Variants in ZFP69B observed in about 807,000 individuals in gnomAD.
The protein encoded by ZFP69B is ZFP69 zinc finger protein B.
Under a neutral mutation model 19.7 loss-of-function variants are expected in ZFP69B, and 20 were observed. That is an observed-to-expected ratio of 1.02 (90% CI 0.71 to 1.48). The LOEUF (loss-of-function observed/expected upper bound fraction) is 1.48. ZFP69B is among the 40% of genes most tolerant of loss of function. ZFP69B has a pLI of 0.00. For synonymous variants in ZFP69B, 220 were observed against 222.7 expected, an observed-to-expected ratio of 0.99 and a Z score of 0.11; for missense variants, 583 against 632.6, an observed-to-expected ratio of 0.92 and a Z score of 0.84.
Position 40,463,690 on chromosome 1 carries a change from G to A in ZFP69B, c.*101G>A, listed in dbSNP as rs1426406769. On this transcript the variant is annotated 3_prime_UTR_variant, in exon 5 of 5. Transcript: ENST00000361584. ...CATTTGTTTTTGGATTTCCAAAAAC[G>A]AACATTAAAAAAAAATGGTTTGGCA... 20 of 1,143,742 alleles carry A rather than the reference G, an allele frequency of 1.7e-5. No individual in the cohort carries two copies. In the African/African-American group the frequency reaches 1.9e-4, roughly 11 times the overall value. The allele number at this position is 1,143,742 out of a possible 1,614,324, so 70.8% of individuals were successfully genotyped here. A position where few individuals can be genotyped will look rare whatever the true frequency, so the allele number is the denominator to read the frequency against.
At position 40,462,045 on chromosome 1, in the gene ZFP69B, A is replaced by G. The variant is rs561814689; in HGVS notation, c.437-376A>G. ...TAAGTAGCTGGGACTACAGGCACAC[A>G]CCACCATGCCTGGTTTTTTTGTTTG... On this transcript the variant is annotated intron_variant, in intron 4 of 4. Transcript: ENST00000361584. 7.9e-5 allele frequency among the ~76,000 whole-genome samples: 12 copies of G among 151,434 alleles called. No homozygotes were observed. In the East Asian group the frequency reaches 2.1e-3, roughly 27 times the overall value.
At chr1:40,458,181 A>C (rs2124419902) in intron 4 of ZFP69B, among the ~76,000 whole-genome samples, 1 of 152,320 alleles carries the variant, frequency 6.6e-6, no homozygotes, top group South Asian at 2.1e-4. Flanking sequence ...CAATATCTTA[A>C]TTCTAGTCAT....
chr1:40,457,905 T>G (rs1645248866), intron 4 of ZFP69B, among the ~76,000 whole-genome samples: 1 of 152,258 alleles, frequency 6.6e-6, no homozygotes, highest in Admixed American at 6.5e-5. Context: ...CTCTCTCATT[T>G]TAACTTGTGT....
rs371997120 is a variant in ZFP69B at position 40,457,030 on chromosome 1, G to A, written c.299G>A (p.Arg100Gln). The A allele has an allele frequency of 1.4e-5, 22 of 1,611,998 alleles. No homozygotes were observed. The African/African-American group carries it at 1.7e-4, about 13-fold the overall frequency. Residue 100 changes from arginine to glutamine, a missense_variant, in exon 3 of 5, where the codon CGG becomes CAG. Coordinates refer to ENST00000361584, the MANE Select transcript of ZFP69B (RefSeq NM_023070.3). ...GCCCCTGCTCACCGGAATCTGTACC[G>A]GGAGGTGATGCTGGAGAACTATGGG... is the stretch of plus-strand genomic sequence containing the variant. ...QLAPAHRNLY[R>Q]EVMLENYGNL...
Position 40,463,455 on chromosome 1 carries a change from G to GC in ZFP69B, c.1472dup (p.Lys492Ter). On this transcript the variant is annotated frameshift_variant, in exon 5 of 5. Coordinates refer to ENST00000361584, the MANE Select transcript of ZFP69B (RefSeq NM_023070.3). LOFTEE classifies it low-confidence loss of function (END_TRUNC). The stretch of plus-strand genomic sequence containing the variant: ...AGCCTTTAGGCATGATTCATCCTTT[G>GC]CTAAACATCAGAGAATTCATACTGG... 6 of 1,614,010 alleles carry GC rather than the reference G, an allele frequency of 3.7e-6. No homozygotes were observed. Among genetic ancestry groups the GC allele is most frequent in the Non-Finnish European group, 5.1e-6 (6 of 1,179,978 alleles).
In ZFP69B at chr1:40,457,414, A is replaced by G; in HGVS notation, c.411A>G (p.Arg137=). 2.5e-6 allele frequency: 4 copies of G among 1,614,082 alleles called. No homozygotes were observed. The highest frequency in any genetic ancestry group is 3.4e-6 in the Non-Finnish European group (4 of 1,180,002). The change falls in exon 4 of 5, where the codon AGA becomes AGG. Residue 137 remains arginine (R), a synonymous_variant. Transcript: ENST00000361584. ...EKGEEPWLME[R]DISGVPSSDL... ...GAGAAGAACCATGGCTGATGGAGAG[A>G]GATATTTCAGGAGTTCCAAGTTCAG...
At position 40,463,457 on chromosome 1, in the gene ZFP69B, TAAACATCAGAG is replaced by T; in HGVS notation, c.1476_1486del (p.Lys492AsnfsTer9). 3.7e-6 allele frequency: 6 copies of T among 1,614,190 alleles called. No homozygotes were observed. The highest frequency in any genetic ancestry group is 5.1e-6 in the Non-Finnish European group (6 of 1,180,028). ...CCTTTAGGCATGATTCATCCTTTGC[TAAACATCAGAG>T]AATTCATACTGGAGAAAAACCTTAT... On this transcript the variant is annotated frameshift_variant, in exon 5 of 5. Coordinates refer to ENST00000361584, the MANE Select transcript of ZFP69B (RefSeq NM_023070.3). LOFTEE classifies it low-confidence loss of function (END_TRUNC).
At chr1:40,457,284 T>G (rs760519442) in intron 3 of ZFP69B, 60 bp from the exon 4 acceptor site, 2 of 1,575,170 alleles carry the variant, frequency 1.3e-6, no homozygotes, top group Non-Finnish European at 1.7e-6. Flanking sequence ...GAACCATATT[T>G]AAATTCTTGG....
At chr1:40,456,694 C>G (rs1215122242) in intron 2 of ZFP69B, among the ~76,000 whole-genome samples, 1 of 152,248 alleles carries the variant, frequency 6.6e-6, no homozygotes, top group African/African-American at 2.4e-5. Flanking sequence ...TTACTGTACA[C>G]TGTACTGTGA....
intron 1 of ZFP69B, among the ~76,000 whole-genome samples, chr1:40,451,377 A>G (rs1374239947): frequency 1.3e-5 from 2 of 152,154 alleles, no homozygotes; most frequent in African/African-American, 4.8e-5. Context: ...CAGTGGGGAA[A>G]TGTAAATCAA....
Position 40,462,632 on chromosome 1 carries a change from A to G in ZFP69B, c.648A>G (p.Thr216=), listed in dbSNP as rs1213551308. Reference sequence around the variant, plus strand: ...AAATCCCCCTGATGTGCAAGAAAACATTCACTCAGGAGAGAGGCCAAGAGT... The same window carrying G: ...AAATCCCCCTGATGTGCAAGAAAACGTTCACTCAGGAGAGAGGCCAAGAGT... ...KGQIPLMCKK[T]FTQERGQESN... is the part of the protein sequence containing the mutation. The change falls in exon 5 of 5, where the codon ACA becomes ACG. Residue 216 remains threonine (T), a synonymous_variant. Coordinates refer to ENST00000361584, the MANE Select transcript of ZFP69B (RefSeq NM_023070.3). 4 of 1,613,964 alleles carry G rather than the reference A, an allele frequency of 2.5e-6. No homozygotes were observed. The highest frequency in any genetic ancestry group is 3.4e-6 in the Non-Finnish European group (4 of 1,179,964).
At chr1:40,456,400 T>G (rs1645233194) in intron 2 of ZFP69B, among the ~76,000 whole-genome samples, 1 of 152,232 alleles carries the variant, frequency 6.6e-6, no homozygotes, top group African/African-American at 2.4e-5. Flanking sequence ...TTGTAGATCA[T>G]ACATAATAGA....
chr1:40,454,387 T>G (rs969387295), intron 2 of ZFP69B, 99 bp downstream of exon 2: 2 of 805,846 alleles, frequency 2.5e-6, no homozygotes, highest in African/African-American at 3.6e-5. Context: ...GATTGGCTTT[T>G]CTTTTTTTTT....
Position 40,457,359 on chromosome 1 carries a change from A to G in ZFP69B, c.356A>G (p.Lys119Arg). Residue 119 changes from lysine (K) to arginine (R), a missense_variant, in exon 4 of 5, where the codon AAA (lysine) becomes AGA (arginine). By Grantham distance (26) the Lys-to-Arg change is conservative. Transcript: ENST00000361584. Reference sequence around the variant, plus strand: ...CCATAAGCAGGATGTCAGCTTTCCAAACCTGGCGTGATTTCCCAGTTGGAG... The same window carrying G: ...CCATAAGCAGGATGTCAGCTTTCCAGACCTGGCGTGATTTCCCAGTTGGAG... ...NLVSVGCQLSKPGVISQLEKG... is the reference protein window; with the variant it reads ...NLVSVGCQLSRPGVISQLEKG... 2 of 1,614,162 alleles carry G rather than the reference A, an allele frequency of 1.2e-6. No homozygotes were observed. Among genetic ancestry groups the G allele is most frequent in the Non-Finnish European group, 1.7e-6 (2 of 1,180,014 alleles).
chr1:40,455,766 C>G (rs1426099136), intron 2 of ZFP69B, among the ~76,000 whole-genome samples: 1 of 152,232 alleles, frequency 6.6e-6, no homozygotes, highest in East Asian at 1.9e-4. Context: ...TAGCCCCCAT[C>G]CCCTGACAGG....
chr1:40,457,102 G>C (rs756841021), intron 3 of ZFP69B, 31 bp downstream of exon 3: 2 of 1,582,084 alleles, frequency 1.3e-6, no homozygotes, highest in Admixed American at 3.8e-5. Context: ...AAAATAGAAC[G>C]TACCTATTGG....
upstream of ZFP69B, among the ~76,000 whole-genome samples, chr1:40,450,444 CATA>C (rs1056542969): frequency 1.3e-5 from 2 of 152,200 alleles, no homozygotes; most frequent in African/African-American, 4.8e-5. Flanking sequence ...CTACTTTACA[CATA>C]ATTACTGCCC....
Position 40,462,526 on chromosome 1 carries a change from G to T in ZFP69B, c.542G>T (p.Ser181Ile). The change falls in exon 5 of 5, where the codon AGC becomes ATC. Residue 181 changes from serine (S) to isoleucine (I), a missense_variant. Transcript: ENST00000361584. Reference protein sequence around the residue: ...LMMERFTKGSSMYSTLGRISK... With the variant: ...LMMERFTKGSIMYSTLGRISK... ...ATGGAAAGATTTACAAAAGGAAGCA[G>T]CATGTATTCCACCTTGGGAAGAATC... 6.2e-7 allele frequency: 1 copy of T among 1,614,130 alleles called. No individual in the cohort carries two copies. The highest frequency in any genetic ancestry group is 8.5e-7 in the Non-Finnish European group (1 of 1,180,016).
At position 40,462,511 on chromosome 1, in the gene ZFP69B, T is replaced by G; in HGVS notation, c.527T>G (p.Phe176Cys). 1 of 1,614,050 alleles carries G rather than the reference T, an allele frequency of 6.2e-7. No homozygotes were observed. The highest frequency in any genetic ancestry group is 8.5e-7 in the Non-Finnish European group (1 of 1,180,004). ...CATTGTGGCCTAATGATGGAAAGAT[T>G]TACAAAAGGAAGCAGCATGTATTCC... ...ELHCGLMMER[F>C]TKGSSMYSTL... The change falls in exon 5 of 5, where the codon TTT (phenylalanine) becomes TGT (cysteine). Residue 176 changes from phenylalanine (F) to cysteine (C), a missense_variant. By Grantham distance (205) the Phe-to-Cys change is radical (BLOSUM62 -2). Transcript: ENST00000361584.
Sources: gnomAD v4.1 joint callset for allele counts (sites outside exome capture counted in the v4.1 genomes callset) on GRCh38, gnomAD v4.1.1 for gene constraint, MANE v1.5 for transcripts, NCBI Gene and HGNC (gene_info 2026-07-23, HGNC 2026-07-21) for gene names.